Variants in SMIM36 observed in about 807,000 individuals in gnomAD.
The protein encoded by SMIM36 is small integral membrane protein 36.
At chr17:55,528,308 C>T in the SMIM36 span, among the ~76,000 whole-genome samples, 1 of 152,094 alleles carries the variant, frequency 6.6e-6, no homozygotes, top group Non-Finnish European at 1.5e-5. Flanking sequence ...GATAACAACA[C>T]AGGTGGGTGG....
intron 4 of SMIM36, among the ~76,000 whole-genome samples, chr17:55,450,936 A>G (rs1461390573): frequency 6.6e-6 from 1 of 152,042 alleles, no homozygotes; most frequent in African/African-American, 2.4e-5. Flanking sequence ...ACCGAGGCTG[A>G]AGTGCAGTGG....
the SMIM36 span, among the ~76,000 whole-genome samples, chr17:55,523,902 TTTTTCTTTTTC>T: frequency 6.6e-6 from 1 of 151,998 alleles, no homozygotes; most frequent in Non-Finnish European, 1.5e-5. Flanking sequence ...CCTAAGAAAG[TTTTTCTTTTTC>T]TTTTCTTTTT....
chr17:55,508,655 G>A (rs1910126822), intron 1 of SMIM36, among the ~76,000 whole-genome samples: 1 of 151,534 alleles, frequency 6.6e-6, no homozygotes, highest in African/African-American at 2.4e-5. Flanking sequence ...GAGCGCGGTG[G>A]CTCACGCCTG....
At chr17:55,479,241 G>GT (rs1430962897) in intron 2 of SMIM36, among the ~76,000 whole-genome samples, 1 of 152,174 alleles carries the variant, frequency 6.6e-6, no homozygotes, top group Non-Finnish European at 1.5e-5. Flanking sequence ...GCATTGCTTA[G>GT]GACCACAGGC....
At chr17:55,457,851 T>A (rs570831320) in intron 4 of SMIM36, among the ~76,000 whole-genome samples, 6 of 152,258 alleles carry the variant, frequency 3.9e-5, no homozygotes, top group Non-Finnish European at 7.4e-5. Flanking sequence ...AATAAAAAAA[T>A]GTTGACATCT....
intron 1 of SMIM36, among the ~76,000 whole-genome samples, chr17:55,498,999 C>CAAAAAAAAAAAAAAAAAAAACAAAAAA (rs60117513): frequency 1.5e-5 from 1 of 67,048 alleles, no homozygotes; most frequent in Non-Finnish European, 3.0e-5. Context: ...ACTCTGTCAC[C>CAAAAAAAAAAAAAAAAAAAACAAAAAA]AAAAAAAAAA....
chr17:55,527,772 A>G, the SMIM36 span: 1 of 152,230 alleles, frequency 6.6e-6, no homozygotes, highest in African/African-American at 2.4e-5. Flanking sequence ...TACAGTCAGA[A>G]AAAATAGGCT....
At chr17:55,518,748 C>A in the SMIM36 span, among the ~76,000 whole-genome samples, 1 of 151,700 alleles carries the variant, frequency 6.6e-6, no homozygotes, top group East Asian at 1.9e-4. Flanking sequence ...ATCATGCGAG[C>A]CCATGGGTTG....
chr17:55,478,220 G>A (rs991949085), intron 3 of SMIM36, among the ~76,000 whole-genome samples: 5 of 151,120 alleles, frequency 3.3e-5, no homozygotes, highest in Non-Finnish European at 7.4e-5. Context: ...CTGTTGTTAC[G>A]TTGTGGGGAG....
At chr17:55,495,628 ATT>A (rs34617289) in intron 1 of SMIM36, among the ~76,000 whole-genome samples, 33,137 of 145,150 alleles carry the variant, frequency 0.23, 7,397 homozygotes, top group African/African-American at 0.58. Flanking sequence ...GTCTCTATAA[ATT>A]TTTTTTTTTT....
At chr17:55,508,712 C>A (rs1052004000) in intron 1 of SMIM36, among the ~76,000 whole-genome samples, 1 of 151,566 alleles carries the variant, frequency 6.6e-6, no homozygotes, top group Non-Finnish European at 1.5e-5. Context: ...CACCTGAGGT[C>A]GGGAGTTCGA....
At chr17:55,520,412 A>G in the SMIM36 span, among the ~76,000 whole-genome samples, 8 of 152,330 alleles carry the variant, frequency 5.3e-5, no homozygotes, top group African/African-American at 1.7e-4. Flanking sequence ...TCACACTTTC[A>G]TTTAAAGGAA....
chr17:55,493,163 C>T (rs1444789639), intron 1 of SMIM36, among the ~76,000 whole-genome samples: 1 of 152,158 alleles, frequency 6.6e-6, no homozygotes, highest in Non-Finnish European at 1.5e-5. Context: ...CCTCCTGTCA[C>T]TAGTTTCCTC....
At chr17:55,468,758 T>C (rs1909289310) in intron 3 of SMIM36, among the ~76,000 whole-genome samples, 1 of 152,160 alleles carries the variant, frequency 6.6e-6, no homozygotes, top group Non-Finnish European at 1.5e-5. Flanking sequence ...TTCTTCTCCC[T>C]TAGCCTGTGT....
chr17:55,529,667 T>C, the SMIM36 span, among the ~76,000 whole-genome samples: 1 of 151,476 alleles, frequency 6.6e-6, no homozygotes, highest in African/African-American at 2.4e-5. Context: ...TGGCACGTGC[T>C]TGTAGTCCCA....
At chr17:55,484,066 A>G (rs975685876) in intron 1 of SMIM36, among the ~76,000 whole-genome samples, 3 of 152,230 alleles carry the variant, frequency 2.0e-5, no homozygotes, top group African/African-American at 7.2e-5. Context: ...TATTTTATAA[A>G]TGTATTTAAG....
chr17:55,508,437 T>TATATATATATATATTCCTGGGA (rs1910120607), intron 1 of SMIM36, among the ~76,000 whole-genome samples: 1 of 44,664 alleles, frequency 2.2e-5, no homozygotes, highest in African/African-American at 8.8e-5. Flanking sequence ...TAGGAATATA[T>TATATATATATATATTCCTGGGA]ATATATATAT....
At chr17:55,462,344 C>T (rs1909160492) in intron 4 of SMIM36, among the ~76,000 whole-genome samples, 5 of 152,146 alleles carry the variant, frequency 3.3e-5, no homozygotes, top group Admixed American at 3.3e-4. Flanking sequence ...GGCATGGTGG[C>T]TTATGCCTGT....
At chr17:55,470,360 G>A (rs1455835684) in intron 3 of SMIM36, among the ~76,000 whole-genome samples, 3 of 152,172 alleles carry the variant, frequency 2.0e-5, no homozygotes, top group Admixed American at 6.5e-5. Context: ...CATAGATGCC[G>A]AGCTTTGGGT....
Sources: gnomAD v4.1 joint callset for allele counts (sites outside exome capture counted in the v4.1 genomes callset) on GRCh38, gnomAD v4.1.1 for gene constraint, MANE v1.5 for transcripts, NCBI Gene and HGNC (gene_info 2026-07-23, HGNC 2026-07-21) for gene names.